The following GLIS3 variants were observed in gnomAD, a reference collection of about 807,000 sequenced individuals.
GLIS3 encodes GLIS family zinc finger 3.
GLIS3 carries 53 observed loss-of-function variants against 78.6 expected under a neutral mutation model. The observed-to-expected ratio is 0.67, with a 90% CI of 0.54 to 0.85. The LOEUF is 0.85. GLIS3 is among the 40% of genes least tolerant of loss of function. The pLI, the probability that GLIS3 is intolerant of heterozygous loss-of-function variation, is 0.00. For missense variants in GLIS3, 1,703 were observed against 1,231.1 expected (o/e 1.38, Z -5.74); for synonymous variants, 684 against 509.9 (o/e 1.34, Z -4.60).
At chr9:4,330,526 G>A (rs565133644) in intron 2 of GLIS3, among the ~76,000 whole-genome samples, 2 of 152,206 alleles carry the variant, frequency 1.3e-5, no homozygotes, top group African/African-American at 2.4e-5. Flanking sequence ...CACTTAGGTG[G>A]AGGGAGATGA....
chr9:3,867,797 A>C (rs879551852), intron 8 of GLIS3, among the ~76,000 whole-genome samples: 4 of 151,492 alleles, frequency 2.6e-5, no homozygotes, highest in Admixed American at 2.6e-4. Flanking sequence ...GTGTTGGGTA[A>C]GGAGTGGATT....
intron 4 of GLIS3, among the ~76,000 whole-genome samples, chr9:4,007,785 T>C (rs1821672840): frequency 6.6e-6 from 1 of 151,720 alleles, no homozygotes; most frequent in Admixed American, 6.6e-5. Context: ...GAAGTACATA[T>C]GTGCTCTCTT....
chr9:4,108,107 C>T (rs1396048176), intron 4 of GLIS3, among the ~76,000 whole-genome samples: 2 of 152,138 alleles, frequency 1.3e-5, no homozygotes, highest in Non-Finnish European at 2.9e-5. Context: ...AATTACTTAG[C>T]TCTGAGGGTG....
chr9:4,050,001 G>A, intron 4 of GLIS3, among the ~76,000 whole-genome samples: 1 of 152,144 alleles, frequency 6.6e-6, no homozygotes, highest in Non-Finnish European at 1.5e-5. Context: ...CTGTTGGTGG[G>A]ACTGTAAACT....
chr9:4,261,135 GTCTTGATTAACTCATCCCAAGGTAAAAT>G (rs1339954041), intron 2 of GLIS3, among the ~76,000 whole-genome samples: 1 of 152,174 alleles, frequency 6.6e-6, no homozygotes, highest in Admixed American at 6.5e-5. Context: ...GGGGAACTGA[GTCTTGATTAACTCATCCCAAGGTAAAAT>G]TCATTCATAG....
At chr9:4,299,352 C>G (rs1218603621) in intron 1 of GLIS3, 69 bp downstream of exon 1, 1 of 152,272 alleles carries the variant, frequency 6.6e-6, no homozygotes, top group Admixed American at 6.5e-5. Context: ...TTAACTCCCC[C>G]ACACTCTCAA....
intron 2 of GLIS3, among the ~76,000 whole-genome samples, chr9:4,196,772 G>A (rs1262067362): frequency 4.6e-5 from 7 of 152,310 alleles, no homozygotes; most frequent in Non-Finnish European, 4.4e-5. Context: ...TTAAGTCAGT[G>A]AGACCAAGAA....
intron 4 of GLIS3, among the ~76,000 whole-genome samples, chr9:3,972,055 C>T (rs373370471): frequency 2.0e-5 from 3 of 152,114 alleles, no homozygotes; most frequent in African/African-American, 2.4e-5. Context: ...AACACACTAG[C>T]GTGTTAGCAT....
At chr9:3,991,802 T>C (rs1038931199) in intron 4 of GLIS3, among the ~76,000 whole-genome samples, 1 of 150,938 alleles carries the variant, frequency 6.6e-6, no homozygotes, top group Non-Finnish European at 1.5e-5. Flanking sequence ...GCCATTCTCC[T>C]GCCTCAGCCT....
intron 4 of GLIS3, among the ~76,000 whole-genome samples, chr9:4,113,114 TA>T (rs1214485577): frequency 1.3e-5 from 2 of 152,108 alleles, no homozygotes; most frequent in African/African-American, 2.4e-5. Context: ...CTTTTGCACA[TA>T]TTTTTTTCAC....
chr9:4,452,852 C>T, the GLIS3 span, among the ~76,000 whole-genome samples: 12 of 152,176 alleles, frequency 7.9e-5, no homozygotes, highest in East Asian at 3.9e-4. Context: ...CCCATATAGC[C>T]GAGACAACCC....
At chr9:4,290,877 G>C (rs978436842) in intron 1 of GLIS3, among the ~76,000 whole-genome samples, 2 of 152,080 alleles carry the variant, frequency 1.3e-5, no homozygotes, top group South Asian at 2.1e-4. Context: ...AAATATATTG[G>C]ATGTGTACAA....
At position 4,298,887 on chromosome 9, in the gene GLIS3, A is replaced by G. The variant is rs117601756; in HGVS notation, c.-99+534T>C. Among the ~76,000 whole-genome samples, 279 of 152,256 alleles carry G rather than the reference A, an allele frequency of 1.8e-3. 3 individuals carry two copies. The East Asian group carries it at 0.045, about 25-fold the overall frequency. On this transcript the variant is annotated intron_variant, in intron 1 of 10. Coordinates refer to ENST00000381971, the MANE Select transcript of GLIS3 (RefSeq NM_001042413.2). ...CTTGGATGAGACACAGGCGTGGAAA[A>G]CAGCCTTCGTGAAACTCCACAAACA...
chr9:4,485,341 T>C, the GLIS3 span, among the ~76,000 whole-genome samples: 1 of 152,096 alleles, frequency 6.6e-6, no homozygotes, highest in African/African-American at 2.4e-5. Flanking sequence ...GAGATGTTTT[T>C]CAGACTTGGA....
At chr9:4,332,114 A>G (rs1377854652) in intron 2 of GLIS3, among the ~76,000 whole-genome samples, 1 of 152,186 alleles carries the variant, frequency 6.6e-6, no homozygotes, top group African/African-American at 2.4e-5. Context: ...TCCCATCACT[A>G]ACTATTCTGG....
At chr9:4,212,589 T>G (rs1303676112) in intron 2 of GLIS3, among the ~76,000 whole-genome samples, 1 of 152,202 alleles carries the variant, frequency 6.6e-6, no homozygotes, top group African/African-American at 2.4e-5. Flanking sequence ...CCTCTCACCT[T>G]GATTTTGATA....
intron 7 of GLIS3, among the ~76,000 whole-genome samples, chr9:3,897,206 A>G (rs1299783150): frequency 6.6e-6 from 1 of 152,130 alleles, no homozygotes; most frequent in Non-Finnish European, 1.5e-5. Context: ...ACTAGAAACC[A>G]TTTATATTGT....
the GLIS3 span, among the ~76,000 whole-genome samples, chr9:4,441,695 C>T: frequency 1.7e-3 from 256 of 152,246 alleles, no homozygotes; most frequent in South Asian, 5.4e-3. Flanking sequence ...CAACCTCTGC[C>T]TCTCGGGTTC....
intron 4 of GLIS3, among the ~76,000 whole-genome samples, chr9:4,100,694 G>C (rs939591516): frequency 6.6e-6 from 1 of 152,020 alleles, no homozygotes; most frequent in Non-Finnish European, 1.5e-5. Flanking sequence ...TAGTAGTATA[G>C]AATTATCTAG....
Sources: gnomAD v4.1 joint callset for allele counts (sites outside exome capture counted in the v4.1 genomes callset) on GRCh38, gnomAD v4.1.1 for gene constraint, MANE v1.5 for transcripts, NCBI Gene and HGNC (gene_info 2026-07-23, HGNC 2026-07-21) for gene names.